Variants in EXOC6B observed in about 807,000 individuals in gnomAD.
EXOC6B encodes the protein SEC15 homolog B.
In EXOC6B, 54 loss-of-function variants were observed where a neutral mutation model predicts 113.5. The observed-to-expected ratio is 0.48, with a 90% CI of 0.38 to 0.60. The LOEUF (loss-of-function observed/expected upper bound fraction) is 0.60, where lower values mean the gene tolerates loss of function less well. Ranked by LOEUF, EXOC6B falls within the 20% of genes least tolerant of loss-of-function variation. EXOC6B has a pLI of 0.00. For synonymous variants in EXOC6B, 357 were observed against 339.0 expected, an observed-to-expected ratio of 1.05 and a Z score of -0.58; for missense variants, 797 against 977.5, an observed-to-expected ratio of 0.82 and a Z score of 2.46.
At chr2:72,735,097 T>C (rs993132000) in intron 2 of EXOC6B, among the ~76,000 whole-genome samples, 5 of 152,220 alleles carry the variant, frequency 3.3e-5, no homozygotes, top group African/African-American at 1.2e-4. Context: ...CCTTGGGTGA[T>C]AATGCTATCC....
At chr2:72,201,567 C>T (rs1052683875) in intron 20 of EXOC6B, among the ~76,000 whole-genome samples, 1 of 152,200 alleles carries the variant, frequency 6.6e-6, no homozygotes, top group Non-Finnish European at 1.5e-5. Flanking sequence ...GGAAATTCAT[C>T]TCTCCTTGGA....
chr2:72,238,621 C>T (rs1368496110), intron 20 of EXOC6B, among the ~76,000 whole-genome samples: 1 of 152,098 alleles, frequency 6.6e-6, no homozygotes, highest in African/African-American at 2.4e-5. Flanking sequence ...TGGTATCTCT[C>T]TTGGTTTTTA....
At chr2:72,265,578 T>A (rs1172746013) in intron 20 of EXOC6B, among the ~76,000 whole-genome samples, 1 of 151,908 alleles carries the variant, frequency 6.6e-6, no homozygotes, top group African/African-American at 2.4e-5. Context: ...ACAAACGACA[T>A]GAACTCATCA....
In EXOC6B at chr2:72,743,824, GCTGATCCTCTGGATC is replaced by G. The variant is rs535720596; in HGVS notation, c.114-2370_114-2356del. Among the ~76,000 whole-genome samples, 30 of 152,244 alleles carry G rather than the reference GCTGATCCTCTGGATC, an allele frequency of 2.0e-4. No homozygotes were observed. The South Asian group carries it at 6.0e-3, about 31-fold the overall frequency. On this transcript the variant is annotated intron_variant, in intron 1 of 21. Coordinates refer to ENST00000272427, the MANE Select transcript of EXOC6B (RefSeq NM_015189.3). ...TCCTTTCTGGGTACTGGATCACTAT[GCTGATCCTCTGGATC>G]AGAAACCACACCCCCCACAGGAGGT...
At chr2:72,341,426 T>C (rs1219997644) in intron 19 of EXOC6B, among the ~76,000 whole-genome samples, 3 of 152,102 alleles carry the variant, frequency 2.0e-5, no homozygotes, top group African/African-American at 7.2e-5. Context: ...AATGAAAGGA[T>C]GAAGAAAGAC....
chr2:72,616,223 T>C (rs1477072709), intron 6 of EXOC6B, among the ~76,000 whole-genome samples: 1 of 152,036 alleles, frequency 6.6e-6, no homozygotes, highest in African/African-American at 2.4e-5. Flanking sequence ...AGAGATTTAA[T>C]GCAGTCTGTA....
intron 6 of EXOC6B, among the ~76,000 whole-genome samples, chr2:72,629,790 A>G (rs983252468): frequency 2.0e-5 from 3 of 152,140 alleles, no homozygotes; most frequent in African/African-American, 7.2e-5. Context: ...TTACCTTCCA[A>G]TTTGTAAATG....
intron 1 of EXOC6B, among the ~76,000 whole-genome samples, chr2:72,802,099 C>A (rs972685276): frequency 3.3e-5 from 5 of 152,052 alleles, no homozygotes; most frequent in African/African-American, 1.2e-4. Flanking sequence ...CCAAGGCAGG[C>A]GGATCACAAG....
chr2:72,610,552 C>G (rs141009673), intron 6 of EXOC6B, among the ~76,000 whole-genome samples: 16 of 152,144 alleles, frequency 1.1e-4, no homozygotes, highest in African/African-American at 3.9e-4. Context: ...GAAAGAACTC[C>G]CAATCTGAGC....
chr2:72,217,057 T>A (rs1573016300), intron 20 of EXOC6B, among the ~76,000 whole-genome samples: 1 of 150,302 alleles, frequency 6.7e-6, no homozygotes, highest in Non-Finnish European at 1.5e-5. Context: ...AAAAGTATAG[T>A]AACCAAGGTA....
chr2:72,552,639 A>G (rs1446721384), intron 8 of EXOC6B, among the ~76,000 whole-genome samples: 1 of 152,096 alleles, frequency 6.6e-6, no homozygotes, highest in Non-Finnish European at 1.5e-5. Context: ...AAGCAACAAC[A>G]AAAAGGAGTT....
intron 1 of EXOC6B, among the ~76,000 whole-genome samples, chr2:72,749,245 T>A (rs1681891232): frequency 6.6e-6 from 1 of 152,104 alleles, no homozygotes; most frequent in South Asian, 2.1e-4. Flanking sequence ...AGAGTACTAA[T>A]ACAGTTGTTT....
At chr2:72,493,158 T>A (rs966370517) in intron 15 of EXOC6B, among the ~76,000 whole-genome samples, 3 of 152,132 alleles carry the variant, frequency 2.0e-5, no homozygotes, top group African/African-American at 7.2e-5. Flanking sequence ...CTTTCTCACA[T>A]GAATGGTAGT....
chr2:72,284,648 T>C (rs946013630), intron 20 of EXOC6B, among the ~76,000 whole-genome samples: 1 of 151,884 alleles, frequency 6.6e-6, no homozygotes, highest in Non-Finnish European at 1.5e-5. Context: ...AAAAAGGAAA[T>C]AAAAGGCATA....
At chr2:72,593,358 G>T (rs1240489419) in intron 6 of EXOC6B, among the ~76,000 whole-genome samples, 2 of 152,000 alleles carry the variant, frequency 1.3e-5, no homozygotes, top group East Asian at 3.9e-4. Context: ...GGTAAACAGG[G>T]GACTTACTTC....
intron 1 of EXOC6B, among the ~76,000 whole-genome samples, chr2:72,805,471 A>G (rs1024092350): frequency 3.9e-5 from 6 of 152,206 alleles, no homozygotes; most frequent in African/African-American, 1.4e-4. Context: ...GGCAAAACAT[A>G]TAATTTTACT....
intron 1 of EXOC6B, among the ~76,000 whole-genome samples, chr2:72,768,545 T>TC (rs1349687605): frequency 1.3e-5 from 2 of 151,246 alleles, no homozygotes; most frequent in African/African-American, 4.9e-5. Context: ...CCTCAGGTGA[T>TC]CCCCCCGCCT....
chr2:72,458,650 A>G (rs570256722), intron 18 of EXOC6B, among the ~76,000 whole-genome samples: 1 of 152,272 alleles, frequency 6.6e-6, no homozygotes, highest in African/African-American at 2.4e-5. Context: ...TATTTAGGTA[A>G]AAACGACAGT....
intron 18 of EXOC6B, among the ~76,000 whole-genome samples, chr2:72,453,805 C>T (rs562321938): frequency 8.5e-5 from 13 of 152,254 alleles, no homozygotes; most frequent in Non-Finnish European, 1.0e-4. Flanking sequence ...ATCTTTTAAA[C>T]GTATTGTATT....
Sources: gnomAD v4.1 joint callset for allele counts (sites outside exome capture counted in the v4.1 genomes callset) on GRCh38, gnomAD v4.1.1 for gene constraint, MANE v1.5 for transcripts, NCBI Gene and HGNC (gene_info 2026-07-23, HGNC 2026-07-21) for gene names.